The following DNAH5 variants were observed in gnomAD, a reference collection of about 807,000 sequenced individuals.
DNAH5 encodes the protein dynein axonemal heavy chain 5.
Under a neutral mutation model 518.2 loss-of-function variants are expected in DNAH5, and 372 were observed. The observed-to-expected ratio is 0.72, with a 90% CI of 0.66 to 0.78. The LOEUF (loss-of-function observed/expected upper bound fraction) is 0.78. Among genes scored for constraint, DNAH5 ranks in the 30% least tolerant of loss-of-function variants. The probability of loss-of-function intolerance (pLI) is 0.00; values close to 1 mark genes in which losing one functional copy is unlikely to be tolerated. For missense variants in DNAH5, 5,523 were observed against 5,687.0 expected (o/e 0.97, Z 0.93); for synonymous variants, 2,039 against 2,025.9 (o/e 1.01, Z -0.17).
Position 13,766,085 on chromosome 5 carries a change from T to C in DNAH5, c.9992A>G (p.Gln3331Arg). The change falls in exon 59 of 79, where the codon CAA (glutamine) becomes CGA (arginine). Residue 3331 changes from glutamine (Q) to arginine (R), a missense_variant. Gln to Arg is a conservative substitution (Grantham distance 43, BLOSUM62 1). Transcript: ENST00000265104. ...RIMDCVLLLF[Q>R]RKVSAVKIDL... ...AATTTTCACAGCACTGACTTTCCTT[T>C]GAAACAGCAGCAGTACGCAATCCAT... The C allele has an allele frequency of 6.2e-7, 1 of 1,614,168 alleles. No individual in the cohort carries two copies. The highest frequency in any genetic ancestry group is 8.5e-7 in the Non-Finnish European group (1 of 1,180,022).
chr5:13,931,897 G>C (rs960104456), intron 1 of DNAH5: 2 of 154,594 alleles, frequency 1.3e-5, no homozygotes, highest in Non-Finnish European at 2.9e-5. Context: ...AATGCATCAC[G>C]GACTTCTTTC....
intron 68 of DNAH5, among the ~76,000 whole-genome samples, chr5:13,732,783 T>C (rs528460913): frequency 1.3e-5 from 2 of 152,290 alleles, no homozygotes; most frequent in African/African-American, 4.8e-5. Context: ...GTTTTCATCA[T>C]ACGAATTTTA....
chr5:13,743,334 A>T (rs926765813), intron 65 of DNAH5, among the ~76,000 whole-genome samples: 8 of 152,122 alleles, frequency 5.3e-5, no homozygotes, highest in Admixed American at 5.3e-4. Context: ...TAAGAAATAG[A>T]TCAAAGATCT....
chr5:13,749,217 T>C (rs1163083111), intron 65 of DNAH5, among the ~76,000 whole-genome samples: 1 of 150,754 alleles, frequency 6.6e-6, no homozygotes, highest in Non-Finnish European at 1.5e-5. Flanking sequence ...GTTCACATTA[T>C]AAAAGAAAAC....
At chr5:13,806,197 G>A (rs1391664253) in intron 47 of DNAH5, among the ~76,000 whole-genome samples, 1 of 152,112 alleles carries the variant, frequency 6.6e-6, no homozygotes, top group Non-Finnish European at 1.5e-5. Context: ...TATAACGTTA[G>A]CATCTTGCCA....
chr5:13,781,143 C>T (rs1007587732), intron 52 of DNAH5, among the ~76,000 whole-genome samples, 184 bp from the exon 53 acceptor site: 3 of 152,098 alleles, frequency 2.0e-5, no homozygotes, highest in African/African-American at 7.2e-5. Flanking sequence ...TGTTGGGCTG[C>T]ATCAGACGGG....
At chr5:13,790,465 C>A (rs899105256) in intron 50 of DNAH5, among the ~76,000 whole-genome samples, 30 of 152,158 alleles carry the variant, frequency 2.0e-4, no homozygotes, top group African/African-American at 7.2e-4. Flanking sequence ...CCAAATACTG[C>A]ATGATATGTC....
At chr5:13,799,771 T>G (rs914148815) in intron 47 of DNAH5, among the ~76,000 whole-genome samples, 1 of 152,188 alleles carries the variant, frequency 6.6e-6, no homozygotes, top group Non-Finnish European at 1.5e-5. Flanking sequence ...TGCATATACA[T>G]AATGAGATAT....
chr5:13,760,271 A>C (rs1389064950), intron 60 of DNAH5, among the ~76,000 whole-genome samples: 1 of 152,232 alleles, frequency 6.6e-6, no homozygotes, highest in Non-Finnish European at 1.5e-5. Flanking sequence ...GCTAATCAAA[A>C]TCCTTCAAAC....
chr5:13,940,180 C>G (rs1779333344), intron 1 of DNAH5, among the ~76,000 whole-genome samples: 1 of 152,140 alleles, frequency 6.6e-6, no homozygotes, highest in Non-Finnish European at 1.5e-5. Flanking sequence ...ACAGCCTCAC[C>G]TCCCCCGACA....
Position 13,876,758 on chromosome 5 carries a change from T to C in DNAH5, c.3322A>G (p.Lys1108Glu), listed in dbSNP as rs781737643. 4.3e-6 allele frequency: 7 copies of C among 1,613,716 alleles called. No individual in the cohort carries two copies. The highest frequency in any genetic ancestry group is 5.1e-6 in the Non-Finnish European group (6 of 1,179,772). ...ATCTCTTTGTTTTCAGAAACATTCTTATAATAGTTCTTGGTTTGCACGGGA... is the reference window on the plus strand; with the variant it reads ...ATCTCTTTGTTTTCAGAAACATTCTCATAATAGTTCTTGGTTTGCACGGGA... ...PIPVQTKNYYKNVSENKEIVK... is the reference protein window; with the variant it reads ...PIPVQTKNYYENVSENKEIVK... The change falls in exon 22 of 79, where the codon AAG becomes GAG. Residue 1108 changes from lysine (K) to glutamate (E), a missense_variant. Coordinates refer to ENST00000265104, the MANE Select transcript of DNAH5 (RefSeq NM_001369.3).
intron 12 of DNAH5, among the ~76,000 whole-genome samples, chr5:13,910,368 T>C (rs928989666): frequency 6.6e-6 from 1 of 152,188 alleles, no homozygotes; most frequent in Non-Finnish European, 1.5e-5. Context: ...TTAAATGAAT[T>C]AGCACATACA....
At chr5:14,007,188 G>A (rs953675612) in intron 1 of DNAH5, among the ~76,000 whole-genome samples, 9 of 152,226 alleles carry the variant, frequency 5.9e-5, no homozygotes, top group East Asian at 1.9e-4. Context: ...CAATGACACC[G>A]TTCTCTGAGC....
chr5:13,790,089 A>G (rs536436486), intron 50 of DNAH5, among the ~76,000 whole-genome samples: 20 of 152,326 alleles, frequency 1.3e-4, no homozygotes, highest in African/African-American at 4.1e-4. Context: ...GAACACATAT[A>G]TGCTATTGGT....
chr5:13,869,738 T>G (rs1346696605), intron 24 of DNAH5, among the ~76,000 whole-genome samples: 1 of 152,190 alleles, frequency 6.6e-6, no homozygotes, highest in Non-Finnish European at 1.5e-5. Flanking sequence ...TCTGAAGTTT[T>G]GTTTTATACA....
chr5:13,740,590 G>T (rs938932567), intron 65 of DNAH5, among the ~76,000 whole-genome samples: 2 of 152,156 alleles, frequency 1.3e-5, no homozygotes, highest in African/African-American at 4.8e-5. Flanking sequence ...ACAGCATCTG[G>T]GAATTTGCAC....
At position 13,735,236 on chromosome 5, in the gene DNAH5, C is replaced by T; in HGVS notation, c.11656G>A (p.Gly3886Arg). Residue 3886 changes from glycine (G) to arginine (R), a missense_variant, in exon 68 of 79, where the codon GGG (glycine) becomes AGG (arginine). Physicochemically the swap from Gly to Arg is moderately radical, Grantham distance 125. This residue lies in a region of DNAH5 where 5,121 missense variants were observed against 5,223.3 expected (regional missense o/e 0.98). Coordinates refer to ENST00000265104, the MANE Select transcript of DNAH5 (RefSeq NM_001369.3). The stretch of plus-strand genomic sequence containing the variant: ...AGGAATTTGTGCTCCTCGTACAGCC[C>T]TCGGGCAGCATACTTATAAACCTCG... Reference protein sequence around the residue: ...TYEVYKYAARGLYEEHKFLFT... With the variant: ...TYEVYKYAARRLYEEHKFLFT... 1 of 1,614,078 alleles carries T rather than the reference C, an allele frequency of 6.2e-7. No individual in the cohort carries two copies. The highest frequency in any genetic ancestry group is 1.1e-5 in the South Asian group (1 of 91,080).
intron 65 of DNAH5, among the ~76,000 whole-genome samples, chr5:13,746,895 T>A (rs192777799): frequency 6.6e-6 from 1 of 152,230 alleles, no homozygotes; most frequent in East Asian, 1.9e-4. Context: ...TTTTAATATA[T>A]ATTTTTATTA....
chr5:13,746,926 A>G (rs1027990224), intron 65 of DNAH5, among the ~76,000 whole-genome samples: 4 of 152,046 alleles, frequency 2.6e-5, no homozygotes, highest in African/African-American at 9.7e-5. Context: ...TCTAGGGTAC[A>G]TGTGCACAAC....
Sources: allele counts gnomAD v4.1 joint callset (sites outside exome capture counted in the v4.1 genomes callset), GRCh38; gene constraint gnomAD v4.1.1; regional missense constraint gnomAD v4.1.1; transcripts MANE v1.5; gene names NCBI Gene and HGNC (gene_info 2026-07-23, HGNC 2026-07-21).